FUT8: variants seen among roughly 807,000 people sequenced by gnomAD.
FUT8 encodes the protein fucosyltransferase 8.
A neutral mutation model predicts 71.3 loss-of-function variants in FUT8; 29 were observed. The ratio of observed to expected loss-of-function variants is 0.41; its 90% CI spans 0.30 to 0.55. The LOEUF is 0.55. Ranked by LOEUF, FUT8 falls within the 20% of genes least tolerant of loss-of-function variation. FUT8 has a pLI of 0.34. For missense variants in FUT8, 544 were observed against 702.1 expected (o/e 0.77, Z 2.55); for synonymous variants, 254 against 239.3 (o/e 1.06, Z -0.57).
chr14:65,576,509 A>G (rs998340571), intron 3 of FUT8, among the ~76,000 whole-genome samples: 2 of 151,678 alleles, frequency 1.3e-5, no homozygotes, highest in Non-Finnish European at 2.9e-5. Flanking sequence ...TTTACTGTAC[A>G]TCTTTTGTAC....
In FUT8 at chr14:65,627,969, C is replaced by T. The variant is rs570293358; in HGVS notation, c.483-1523C>T. Among the ~76,000 whole-genome samples the T allele has an allele frequency of 3.3e-5, 5 of 152,246 alleles. No homozygotes were observed. The highest frequency in any genetic ancestry group is 1.2e-4 in the African/African-American group (5 of 41,546). On this transcript the variant is annotated intron_variant, in intron 5 of 10. Coordinates refer to ENST00000673929, the MANE Select transcript of FUT8 (RefSeq NM_001371533.1). The surrounding 1 kb of genome is among the most constrained non-coding windows in gnomAD (Gnocchi z 4.0). The stretch of plus-strand genomic sequence containing the variant: ...CCTCTTAAGTCTGCCTAGCTACCTA[C>T]TCAAACAGGAGGAGAGGGAAAACCA...
At chr14:65,640,062 C>A (rs1447089991) in intron 6 of FUT8, among the ~76,000 whole-genome samples, 1 of 151,722 alleles carries the variant, frequency 6.6e-6, no homozygotes, top group Non-Finnish European at 1.5e-5. Context: ...ACTTTTTCTT[C>A]CTGGAATGGA....
chr14:65,700,089 T>G (rs1425114474), intron 7 of FUT8, among the ~76,000 whole-genome samples: 1 of 152,186 alleles, frequency 6.6e-6, no homozygotes, highest in Non-Finnish European at 1.5e-5. Context: ...TGTAACATAA[T>G]CTGATTATGT....
intron 2 of FUT8, chr14:65,468,378 C>T (rs1471556931): frequency 2.5e-5 from 12 of 471,340 alleles, no homozygotes; most frequent in African/African-American, 4.3e-5. Flanking sequence ...TGGTTCCGGC[C>T]GAAAGGTTGG....
intron 1 of FUT8, among the ~76,000 whole-genome samples, chr14:65,446,678 C>CTT (rs11378151): frequency 0.16 from 21,977 of 134,128 alleles, 2,280 homozygotes; most frequent in South Asian, 0.27. Context: ...TGTTTTAGGG[C>CTT]TTTTTTTTTT....
chr14:65,361,217 G>A, the FUT8 span, among the ~76,000 whole-genome samples: 2 of 151,824 alleles, frequency 1.3e-5, no homozygotes, highest in African/African-American at 2.4e-5. Context: ...TTAGCCGGGC[G>A]TGGTGGTGTG....
chr14:65,379,051 T>C, the FUT8 span, among the ~76,000 whole-genome samples: 13 of 151,736 alleles, frequency 8.6e-5, no homozygotes, highest in African/African-American at 3.1e-4. Flanking sequence ...TTCATCATAT[T>C]GGTCAGGCTG....
intron 2 of FUT8, among the ~76,000 whole-genome samples, chr14:65,504,699 G>A (rs1017815618): frequency 1.3e-5 from 2 of 152,102 alleles, no homozygotes; most frequent in Non-Finnish European, 1.5e-5. Context: ...ACAGGCGCCC[G>A]CCACCATGCC....
intron 2 of FUT8, among the ~76,000 whole-genome samples, chr14:65,463,191 A>C (rs973690818): frequency 1.3e-5 from 2 of 152,268 alleles, no homozygotes; most frequent in African/African-American, 4.8e-5. Flanking sequence ...TACAATAATA[A>C]AAAGATATAC....
the FUT8 span, among the ~76,000 whole-genome samples, chr14:65,396,071 C>T: frequency 1.3e-5 from 2 of 152,222 alleles, no homozygotes; most frequent in African/African-American, 4.8e-5. The surrounding 1 kb of genome is among the most constrained non-coding windows in gnomAD (Gnocchi z 5.5). Flanking sequence ...AGTTCCTCAT[C>T]TCCATCTGAG....
chr14:65,439,349 A>G (rs1450494016), intron 1 of FUT8, among the ~76,000 whole-genome samples: 1 of 152,188 alleles, frequency 6.6e-6, no homozygotes, highest in Non-Finnish European at 1.5e-5. Context: ...ACAGAAGTAG[A>G]GATGGAGGGA....
chr14:65,621,343 G>A (rs1474384225), intron 5 of FUT8, among the ~76,000 whole-genome samples: 1 of 151,240 alleles, frequency 6.6e-6, no homozygotes, highest in African/African-American at 2.4e-5. Flanking sequence ...TCTGCCTCCC[G>A]GATTCAAGCG....
At chr14:65,645,037 AG>A (rs1891057702) in intron 6 of FUT8, among the ~76,000 whole-genome samples, 1 of 152,226 alleles carries the variant, frequency 6.6e-6, no homozygotes, top group Non-Finnish European at 1.5e-5. Context: ...ATTTGTTTAT[AG>A]TAAGAGATTT....
Position 65,703,204 on chromosome 14 carries a change from T to C in FUT8, c.836-18571T>C, listed in dbSNP as rs148105709. 8.9e-3 allele frequency among the ~76,000 whole-genome samples: 1,356 copies of C among 152,362 alleles called. 6 individuals carry two copies. Among genetic ancestry groups the C allele is most frequent in the Non-Finnish European group, 0.014 (931 of 68,038 alleles). On this transcript the variant is annotated intron_variant, in intron 7 of 10. Coordinates refer to ENST00000673929, the MANE Select transcript of FUT8 (RefSeq NM_001371533.1). ...GAAACATAATGTCAAGTATCAAATCTGTACAAAGCATTGTCTTTTAAAGCA... is the reference window on the plus strand; with the variant it reads ...GAAACATAATGTCAAGTATCAAATCCGTACAAAGCATTGTCTTTTAAAGCA...
intron 7 of FUT8, among the ~76,000 whole-genome samples, chr14:65,680,320 T>C (rs184009685): frequency 5.3e-4 from 80 of 152,372 alleles, no homozygotes; most frequent in Non-Finnish European, 9.6e-4. Context: ...CCAGAAACTT[T>C]ATAGTTTTAG....
chr14:65,571,214 C>T (rs142771141), intron 3 of FUT8, among the ~76,000 whole-genome samples: 174 of 152,058 alleles, frequency 1.1e-3, no homozygotes, highest in African/African-American at 3.9e-3. Flanking sequence ...ATATAATGAA[C>T]CTGTTAGGAG....
chr14:65,621,272 A>T (rs1594827084), intron 5 of FUT8, among the ~76,000 whole-genome samples: 1 of 151,194 alleles, frequency 6.6e-6, no homozygotes. Flanking sequence ...GTTTTCTGAG[A>T]CAGAGTCTCG....
chr14:65,673,290 A>C (rs1892559258), intron 7 of FUT8, among the ~76,000 whole-genome samples: 1 of 152,238 alleles, frequency 6.6e-6, no homozygotes, highest in South Asian at 2.1e-4. Flanking sequence ...ATGTGGAGGC[A>C]ACCTTGAAAT....
At chr14:65,637,724 A>T (rs1890633374) in intron 6 of FUT8, among the ~76,000 whole-genome samples, 1 of 152,016 alleles carries the variant, frequency 6.6e-6, no homozygotes, top group East Asian at 1.9e-4. Flanking sequence ...CCAGAGAGTG[A>T]GTAGAGTAGG....
Sources: allele counts gnomAD v4.1 joint callset (sites outside exome capture counted in the v4.1 genomes callset), GRCh38; gene constraint gnomAD v4.1.1; non-coding constraint Gnocchi (gnomAD v3.1); transcripts MANE v1.5; gene names NCBI Gene and HGNC (gene_info 2026-07-23, HGNC 2026-07-21).